ZNF138: variants seen among roughly 807,000 people sequenced by gnomAD.
ZNF138 encodes zinc finger protein 138 (clone pHZ-32).
Under a neutral mutation model 33.0 loss-of-function variants are expected in ZNF138, and 33 were observed. The observed-to-expected ratio is 1.00, with a 90% CI of 0.76 to 1.34. The LOEUF (loss-of-function observed/expected upper bound fraction) is 1.34, where lower values mean the gene tolerates loss of function less well. Ranked by LOEUF, ZNF138 falls within the 40% of genes most tolerant of loss-of-function variation. ZNF138 has a pLI of 0.00. For synonymous variants in ZNF138, 139 were observed against 120.4 expected (o/e 1.15, Z -1.01); for missense variants, 360 against 370.8 (o/e 0.97, Z 0.24).
In ZNF138 at chr7:64,815,340, A is replaced by G. The variant is rs189054959; in HGVS notation, c.131-236A>G. 1.4e-3 allele frequency among the ~76,000 whole-genome samples: 206 copies of G among 152,254 alleles called. 1 individual carries two copies. Among genetic ancestry groups the G allele is most frequent in the African/African-American group, 4.8e-3 (200 of 41,554 alleles). On this transcript the variant is annotated intron_variant, in intron 2 of 3. Transcript: ENST00000307355. ...TGCCCACACCTAAATCTAACTCCCA[A>G]CACCAATTATTTTGAATCAATAGTA...
At chr7:64,809,752 G>C (rs912933071) in intron 1 of ZNF138, among the ~76,000 whole-genome samples, 2 of 145,252 alleles carry the variant, frequency 1.4e-5, no homozygotes, top group Non-Finnish European at 3.0e-5. Flanking sequence ...GGGGCGGCCG[G>C]GCAGAGATGC....
the ZNF138 span, among the ~76,000 whole-genome samples, chr7:64,846,248 C>CT: frequency 5.3e-5 from 8 of 152,040 alleles, no homozygotes; most frequent in African/African-American, 1.9e-4. Flanking sequence ...TATGTAAGCT[C>CT]TTTTTTGGTT....
intron 3 of ZNF138, among the ~76,000 whole-genome samples, chr7:64,826,083 C>T (rs1238770358): frequency 6.6e-6 from 1 of 152,054 alleles, no homozygotes; most frequent in African/African-American, 2.4e-5. Flanking sequence ...GTGAATAGCC[C>T]CCCTTGGCCT....
chr7:64,802,903 G>T, intron 1 of ZNF138, among the ~76,000 whole-genome samples: 1 of 150,856 alleles, frequency 6.6e-6, no homozygotes, highest in African/African-American at 2.4e-5. Context: ...GCCTCGTTTT[G>T]TCTTGTCTTA....
chr7:64,814,585 T>C (rs1379068798), intron 1 of ZNF138, among the ~76,000 whole-genome samples: 1 of 152,086 alleles, frequency 6.6e-6, no homozygotes, highest in African/African-American at 2.4e-5. Context: ...GCCAACATAG[T>C]GAAGCCCCGT....
intron 3 of ZNF138, among the ~76,000 whole-genome samples, chr7:64,818,247 A>G (rs1013483239): frequency 2.2e-4 from 34 of 151,990 alleles, no homozygotes; most frequent in Admixed American, 2.1e-3. Context: ...CGGCCTCCCA[A>G]TGTGCTGGGA....
the ZNF138 span, among the ~76,000 whole-genome samples, chr7:64,840,131 T>A: frequency 6.6e-6 from 1 of 152,124 alleles, no homozygotes; most frequent in African/African-American, 2.4e-5. Context: ...GCGATCGCCA[T>A]CTTGGAGTCT....
chr7:64,798,169 G>A (rs1300981976), intron 1 of ZNF138, among the ~76,000 whole-genome samples: 1 of 152,190 alleles, frequency 6.6e-6, no homozygotes, highest in Non-Finnish European at 1.5e-5. Flanking sequence ...TCAAACTCCT[G>A]ACCTCAGGTG....
chr7:64,830,886 TTCA>T, intron 3 of ZNF138: 1 of 1,481,326 alleles, frequency 6.8e-7, no homozygotes, highest in African/African-American at 1.4e-5. Context: ...TCATTCTTGT[TTCA>T]TCTTAATAGT....
At chr7:64,838,326 C>T (rs1368574785), downstream of ZNF138, among the ~76,000 whole-genome samples, 1 of 152,124 alleles carries the variant, frequency 6.6e-6, no homozygotes, top group East Asian at 1.9e-4. Flanking sequence ...GGGGTTTGGG[C>T]ACTGTTTTGC....
chr7:64,848,059 T>C, the ZNF138 span, among the ~76,000 whole-genome samples: 1 of 152,198 alleles, frequency 6.6e-6, no homozygotes, highest in Non-Finnish European at 1.5e-5. Context: ...TAGTGGCAAA[T>C]GCTCTCAGCA....
chr7:64,815,604 A>G lies in ZNF138; in HGVS notation c.159A>G (p.Lys53=), dbSNP rs1481230555. ...LDLITCLEQG[K]EPWNMKRHEM... The stretch of plus-strand genomic sequence containing the variant: ...TGATTACCTGTCTGGAACAAGGAAA[A>G]GAGCCCTGGAATATGAAGAGACATG... The change falls in exon 3 of 4, where the codon AAA becomes AAG. Residue 53 remains lysine (K), a synonymous_variant. Transcript: ENST00000307355. 6.2e-7 allele frequency: 1 copy of G among 1,612,634 alleles called. No individual in the cohort carries two copies. The highest frequency in any genetic ancestry group is 1.7e-5 in the Admixed American group (1 of 59,812).
intron 1 of ZNF138, among the ~76,000 whole-genome samples, chr7:64,808,496 T>C (rs1268715813): frequency 6.6e-6 from 1 of 152,202 alleles, no homozygotes; most frequent in Admixed American, 6.5e-5. Flanking sequence ...AAGTGTACTT[T>C]ATTTGGGCCA....
intron 3 of ZNF138, among the ~76,000 whole-genome samples, chr7:64,821,904 G>A (rs1232998022): frequency 7.4e-6 from 1 of 135,172 alleles, no homozygotes; most frequent in Non-Finnish European, 1.5e-5. Context: ...CATGTGATTT[G>A]CAAATATTGT....
chr7:64,848,704 ATTTTTTTT>A, the ZNF138 span, among the ~76,000 whole-genome samples: 1 of 102,616 alleles, frequency 9.7e-6, no homozygotes, highest in Non-Finnish European at 1.8e-5. Flanking sequence ...ATTTTGGTGG[ATTTTTTTT>A]TTTTTTTTTT....
chr7:64,817,851 A>G (rs1014328617), intron 3 of ZNF138, among the ~76,000 whole-genome samples: 57 of 152,150 alleles, frequency 3.7e-4, no homozygotes, highest in Non-Finnish European at 4.0e-4. Flanking sequence ...TGCTGGAAGT[A>G]AATTAGTTAA....
At chr7:64,834,296 T>A (rs944199739), downstream of ZNF138, among the ~76,000 whole-genome samples, 1 of 151,800 alleles carries the variant, frequency 6.6e-6, no homozygotes, top group African/African-American at 2.4e-5. Context: ...ATGCAGTAAA[T>A]ATAAAAAAAA....
intron 3 of ZNF138, among the ~76,000 whole-genome samples, chr7:64,819,442 A>T (rs1402285357): frequency 6.6e-6 from 1 of 150,460 alleles, no homozygotes; most frequent in African/African-American, 2.5e-5. Context: ...ATCTTGGCTC[A>T]CTGCAACCTC....
At chr7:64,838,946 C>T in the ZNF138 span, among the ~76,000 whole-genome samples, 8 of 151,968 alleles carry the variant, frequency 5.3e-5, no homozygotes, top group East Asian at 1.9e-4. Context: ...AAGGAGATGG[C>T]GGCGGAGAGA....
Sources: gnomAD v4.1 joint callset for allele counts (sites outside exome capture counted in the v4.1 genomes callset) on GRCh38, gnomAD v4.1.1 for gene constraint, MANE v1.5 for transcripts, NCBI Gene and HGNC (gene_info 2026-07-23, HGNC 2026-07-21) for gene names.